VRK2: variants seen among roughly 807,000 people sequenced by gnomAD.
The protein encoded by VRK2 is VRK serine/threonine kinase 2.
In VRK2, 60 loss-of-function variants were observed where a neutral mutation model predicts 57.6. That is an observed-to-expected ratio of 1.04 (90% CI 0.85 to 1.29). VRK2 has a LOEUF of 1.29. Ranked by LOEUF, VRK2 falls within the 50% of genes most tolerant of loss-of-function variation. The pLI is 0.00. For missense variants in VRK2, 705 were observed against 588.1 expected (o/e 1.20, Z -2.06); for synonymous variants, 231 against 199.2 (o/e 1.16, Z -1.35).
chr2:57,986,376 C>T (rs34821621), intron 1 of VRK2, among the ~76,000 whole-genome samples: 18,520 of 152,046 alleles, frequency 0.12, 1,210 homozygotes, highest in East Asian at 0.19. Context: ...CAATACATTT[C>T]CAATCAAAAT....
At chr2:57,971,342 A>C (rs1022031557) in intron 1 of VRK2, among the ~76,000 whole-genome samples, 3 of 152,112 alleles carry the variant, frequency 2.0e-5, no homozygotes, top group Admixed American at 1.3e-4. Context: ...CCTGGTATAT[A>C]CAATTCAAGA....
intron 1 of VRK2, among the ~76,000 whole-genome samples, chr2:57,944,334 G>A (rs960260343): frequency 1.3e-4 from 20 of 152,190 alleles, no homozygotes; most frequent in Non-Finnish European, 2.1e-4. Context: ...TACATTGGGA[G>A]CCTGAGGGGC....
At chr2:58,155,765 C>T (rs1024287063) in intron 12 of VRK2, among the ~76,000 whole-genome samples, 6 of 148,460 alleles carry the variant, frequency 4.0e-5, no homozygotes. Context: ...CCATCCCCCC[C>T]ACCCCGCCGC....
At chr2:58,111,075 A>G (rs1019267014) in intron 7 of VRK2, among the ~76,000 whole-genome samples, 4 of 152,146 alleles carry the variant, frequency 2.6e-5, no homozygotes, top group African/African-American at 4.8e-5. Context: ...TACATTTTCA[A>G]TCACAAAGTA....
At chr2:58,049,265 C>T (rs1675350232) in intron 2 of VRK2, among the ~76,000 whole-genome samples, 1 of 151,998 alleles carries the variant, frequency 6.6e-6, no homozygotes, top group African/African-American at 2.4e-5. Context: ...TTCTTAGAAA[C>T]ATGCTTTTTT....
chr2:57,911,705 C>T (rs1669990707), intron 1 of VRK2, among the ~76,000 whole-genome samples: 1 of 152,188 alleles, frequency 6.6e-6, no homozygotes, highest in African/African-American at 2.4e-5. Flanking sequence ...GTGATAATCA[C>T]ATACATTTAT....
chr2:58,118,293 C>T (rs1373715805), intron 7 of VRK2, among the ~76,000 whole-genome samples: 1 of 152,222 alleles, frequency 6.6e-6, no homozygotes, highest in East Asian at 1.9e-4. Flanking sequence ...GGTCTGACAC[C>T]TTTGAAACGT....
At chr2:57,946,042 G>A (rs552213661) in intron 1 of VRK2, among the ~76,000 whole-genome samples, 34 of 152,170 alleles carry the variant, frequency 2.2e-4, no homozygotes, top group African/African-American at 7.2e-4. Flanking sequence ...TTCTACAAGC[G>A]AGTATTATCT....
At chr2:58,063,521 T>G (rs1040370019) in intron 2 of VRK2, among the ~76,000 whole-genome samples, 6 of 152,070 alleles carry the variant, frequency 3.9e-5, no homozygotes, top group Non-Finnish European at 2.9e-5. Context: ...TAATAGAGTT[T>G]ACTGAATATT....
intron 1 of VRK2, among the ~76,000 whole-genome samples, chr2:57,935,972 C>CT (rs1670891412): frequency 6.6e-6 from 1 of 152,136 alleles, no homozygotes; most frequent in African/African-American, 2.4e-5. Context: ...TGCAAAGATA[C>CT]TTTTTTAGAT....
chr2:58,043,091 A>C (rs1051177400), upstream of VRK2, among the ~76,000 whole-genome samples: 2 of 152,200 alleles, frequency 1.3e-5, no homozygotes, highest in African/African-American at 4.8e-5. Context: ...ATTAACATTT[A>C]AAAATCATTG....
intron 3 of VRK2, chr2:58,040,972 T>A: frequency 1.1e-6 from 1 of 909,932 alleles, no homozygotes; most frequent in South Asian, 5.1e-5. Flanking sequence ...TCAACTCTAT[T>A]CTTATTGAAC....
Position 58,089,580 on chromosome 2 carries a change from T to C in VRK2, c.451-51T>C, listed in dbSNP as rs752383651. 3 of 1,140,144 alleles carry C rather than the reference T, an allele frequency of 2.6e-6. No individual in the cohort carries two copies. The South Asian group carries it at 4.9e-5, about 19-fold the overall frequency. 70.6% of individuals were successfully genotyped at this position (1,140,144 alleles called of 1,614,324 possible). On this transcript the variant is annotated intron_variant, in intron 6 of 12. Transcript: ENST00000340157. ...TCTATATTCAAAATGTTGAAATTGA[T>C]CATGAGTTCTAAATAGCAGTAAACC...
intron 10 of VRK2, among the ~76,000 whole-genome samples, chr2:58,137,173 CAT>C (rs1181404531): frequency 4.3e-3 from 3 of 704 alleles, no homozygotes; most frequent in South Asian, 0.071. Context: ...TATCATATAT[CAT>C]ATATATCATA....
At position 58,086,342 on chromosome 2, in the gene VRK2, A is replaced by T; in HGVS notation, c.260A>T (p.Lys87Ile). ...AAAAATAAATTTGTCTTTGTAGTCA[A>T]AAAGTGGATAGAACGCAAACAACTT... ...YQRVAKKDCI[K>I]KWIERKQLDY... The change falls in exon 5 of 13, where the codon AAA becomes ATA. Residue 87 changes from lysine to isoleucine, a missense_variant. Coordinates refer to ENST00000340157, the MANE Select transcript of VRK2 (RefSeq NM_006296.7). 6.2e-7 allele frequency: 1 copy of T among 1,601,538 alleles called. No homozygotes were observed.
At chr2:58,108,226 C>T (rs935592103) in intron 7 of VRK2, among the ~76,000 whole-genome samples, 1 of 152,094 alleles carries the variant, frequency 6.6e-6, no homozygotes, top group African/African-American at 2.4e-5. Context: ...TTGTCTTTGA[C>T]TCTCTTTCTC....
At chr2:58,041,911 C>A (rs933055299), upstream of VRK2, among the ~76,000 whole-genome samples, 10 of 152,012 alleles carry the variant, frequency 6.6e-5, no homozygotes, top group Admixed American at 5.9e-4. Flanking sequence ...GGAACTCCCC[C>A]CTCCTACCCC....
chr2:58,016,932 C>G (rs1673602206), intron 1 of VRK2, among the ~76,000 whole-genome samples: 1 of 152,136 alleles, frequency 6.6e-6, no homozygotes, highest in East Asian at 1.9e-4. Flanking sequence ...TTTACGGAGT[C>G]TGACATTTTG....
intron 7 of VRK2, among the ~76,000 whole-genome samples, chr2:58,101,571 T>G (rs1003123018): frequency 2.0e-5 from 3 of 151,736 alleles, no homozygotes; most frequent in Admixed American, 6.6e-5. Flanking sequence ...GTACTTAAGC[T>G]CTCTTTTTCT....
Sources: gnomAD v4.1 joint callset for allele counts (sites outside exome capture counted in the v4.1 genomes callset) on GRCh38, gnomAD v4.1.1 for gene constraint, MANE v1.5 for transcripts, NCBI Gene and HGNC (gene_info 2026-07-23, HGNC 2026-07-21) for gene names.